UGT8: variants seen among roughly 807,000 people sequenced by gnomAD.
The protein encoded by UGT8 is UDP glycosyltransferase 8, also known as 2-hydroxyacylsphingosine 1-beta-galactosyltransferase.
UGT8 carries 12 observed loss-of-function variants against 40.5 expected under a neutral mutation model. The observed-to-expected ratio is 0.30, with a 90% CI of 0.19 to 0.48. The LOEUF (loss-of-function observed/expected upper bound fraction) is 0.48, where lower values mean the gene tolerates loss of function less well. Ranked by LOEUF, UGT8 falls within the 20% of genes least tolerant of loss-of-function variation. The pLI, the probability that UGT8 is intolerant of heterozygous loss-of-function variation, is 0.99. For synonymous variants in UGT8, 224 were observed against 240.4 expected (o/e 0.93, Z 0.63); for missense variants, 513 against 648.7 (o/e 0.79, Z 2.27).
chr4:114,651,788 C>T (rs1560697262), intron 2 of UGT8, among the ~76,000 whole-genome samples: 1 of 151,976 alleles, frequency 6.6e-6, no homozygotes, highest in Non-Finnish European at 1.5e-5. Context: ...TCATGTATAA[C>T]AATAACATTT....
chr4:114,605,951 T>G (rs1730704717), intron 1 of UGT8, among the ~76,000 whole-genome samples: 1 of 152,138 alleles, frequency 6.6e-6, no homozygotes, highest in South Asian at 2.1e-4. Context: ...CATTATATAT[T>G]AAATATACTC....
chr4:114,677,124 CA>C lies in UGT8; in HGVS notation c.*838del, dbSNP rs1483325730. 1.3e-5 allele frequency: 2 copies of C among 152,082 alleles called. No homozygotes were observed. The highest frequency in any genetic ancestry group is 2.9e-5 in the Non-Finnish European group (2 of 68,002). 9.4% of individuals were successfully genotyped at this position (152,082 alleles called of 1,614,324 possible). Reference sequence around the variant, plus strand: ...TGTTAAATGCATAATTAAGACAAAGCAATGAAATTCTGACTTTATTCAAAGT... The same window carrying C: ...TGTTAAATGCATAATTAAGACAAAGCATGAAATTCTGACTTTATTCAAAGT... On this transcript the variant is annotated 3_prime_UTR_variant, in exon 6 of 6. Coordinates refer to ENST00000310836, the MANE Select transcript of UGT8 (RefSeq NM_001128174.3).
At chr4:114,652,238 TCAGAGAGAGTAAAGTCAC>T (rs1438453218) in intron 2 of UGT8, among the ~76,000 whole-genome samples, 1 of 151,902 alleles carries the variant, frequency 6.6e-6, no homozygotes, top group Non-Finnish European at 1.5e-5. Flanking sequence ...ACAAAGGAAA[TCAGAGAGAGTAAAGTCAC>T]CAGAGTGGTC....
At chr4:114,604,912 CT>C (rs796576135) in intron 1 of UGT8, among the ~76,000 whole-genome samples, 22 of 148,680 alleles carry the variant, frequency 1.5e-4, no homozygotes, top group African/African-American at 1.7e-4. Flanking sequence ...TGTTTCAGTG[CT>C]TTTTTTTTTC....
At chr4:114,673,008 A>G (rs1311178841) in intron 5 of UGT8, among the ~76,000 whole-genome samples, 1 of 152,166 alleles carries the variant, frequency 6.6e-6, no homozygotes, top group Non-Finnish European at 1.5e-5. Flanking sequence ...ATCATTATTA[A>G]CTTCGCACAT....
At chr4:114,626,099 G>A (rs892851964) in intron 2 of UGT8, among the ~76,000 whole-genome samples, 3 of 152,124 alleles carry the variant, frequency 2.0e-5, no homozygotes, top group African/African-American at 4.8e-5. Flanking sequence ...ATTTCAGAAT[G>A]TTATTTATAG....
At chr4:114,656,880 A>G in intron 2 of UGT8, 3 of 484,538 alleles carry the variant, frequency 6.2e-6, no homozygotes, top group Non-Finnish European at 1.3e-5. Context: ...ATTAAAAAAT[A>G]TAAACTCTCT....
chr4:114,599,970 C>T (rs1258565102), intron 1 of UGT8, among the ~76,000 whole-genome samples: 1 of 152,106 alleles, frequency 6.6e-6, no homozygotes, highest in Admixed American at 6.6e-5. Flanking sequence ...TGCAGCACTT[C>T]CTTAGGAAAG....
At chr4:114,631,970 A>G (rs1179973410) in intron 2 of UGT8, among the ~76,000 whole-genome samples, 1 of 152,198 alleles carries the variant, frequency 6.6e-6, no homozygotes, top group Non-Finnish European at 1.5e-5. Flanking sequence ...CTGTTGAATG[A>G]TCAGTTCTTG....
chr4:114,675,734 C>T (rs1288088799), intron 5 of UGT8, 191 bp from the exon 6 acceptor site: 5 of 233,356 alleles, frequency 2.1e-5, no homozygotes, highest in African/African-American at 1.5e-4. Flanking sequence ...AGCGAGACTC[C>T]GTCTCAAAAA....
intron 1 of UGT8, among the ~76,000 whole-genome samples, chr4:114,603,959 A>G (rs1730587104): frequency 6.6e-6 from 1 of 151,930 alleles, no homozygotes; most frequent in Non-Finnish European, 1.5e-5. Flanking sequence ...ATTTGATCAT[A>G]CTTTTAACTT....
rs1352843357 is a variant in UGT8, at chr4:114,677,088, G to A, written c.*800G>A. ...ATAGTTTTTTCTATTTCATTTTAAT[G>A]AGTAACAATATGTTAAATGCATAAT... On this transcript the variant is annotated 3_prime_UTR_variant, in exon 6 of 6. Transcript: ENST00000310836. 1 of 151,992 alleles carries A rather than the reference G, an allele frequency of 6.6e-6. No individual in the cohort carries two copies. Among genetic ancestry groups the A allele is most frequent in the Non-Finnish European group, 1.5e-5 (1 of 68,002 alleles). The allele number at this position is 151,992 out of a possible 1,614,324, so 9.4% of individuals were successfully genotyped here.
chr4:114,629,625 A>C (rs1732448426), intron 2 of UGT8, among the ~76,000 whole-genome samples: 1 of 152,220 alleles, frequency 6.6e-6, no homozygotes, highest in Non-Finnish European at 1.5e-5. Context: ...AAATCTATCC[A>C]GGAAGTAAGT....
At chr4:114,672,473 A>G (rs962786055) in intron 5 of UGT8, among the ~76,000 whole-genome samples, 1 of 152,228 alleles carries the variant, frequency 6.6e-6, no homozygotes, top group Non-Finnish European at 1.5e-5. Context: ...ATACCATGGA[A>G]TAGTATATAG....
chr4:114,624,605 C>T (rs1458514729), intron 2 of UGT8, among the ~76,000 whole-genome samples: 1 of 152,088 alleles, frequency 6.6e-6, no homozygotes, highest in Non-Finnish European at 1.5e-5. Context: ...ATTTCTAGTT[C>T]TGGTACTACA....
At chr4:114,618,902 G>A (rs555323477) in intron 1 of UGT8, among the ~76,000 whole-genome samples, 39 of 151,924 alleles carry the variant, frequency 2.6e-4, no homozygotes, top group South Asian at 8.3e-4. Flanking sequence ...TACTTCCTTC[G>A]TCATCTATTA....
chr4:114,665,864 T>C, intron 4 of UGT8, 108 bp downstream of exon 4: 1 of 763,684 alleles, frequency 1.3e-6, no homozygotes, highest in Non-Finnish European at 2.0e-6. Context: ...ACGGTATGTA[T>C]GTAGTATATG....
intron 2 of UGT8, among the ~76,000 whole-genome samples, chr4:114,642,128 T>C (rs1733261699): frequency 6.6e-6 from 1 of 152,154 alleles, no homozygotes; most frequent in South Asian, 2.1e-4. Context: ...AGGACCCTTA[T>C]GTATGTAATA....
chr4:114,663,623 T>A (rs1734683152), intron 2 of UGT8: 1 of 939,894 alleles, frequency 1.1e-6, no homozygotes, highest in Non-Finnish European at 1.3e-6. Flanking sequence ...GCCAGTATGA[T>A]TGATTTTTCA....
Sources: allele counts gnomAD v4.1 joint callset (sites outside exome capture counted in the v4.1 genomes callset), GRCh38; gene constraint gnomAD v4.1.1; transcripts MANE v1.5; gene names NCBI Gene and HGNC (gene_info 2026-07-23, HGNC 2026-07-21).